The following EZH2 variants were observed in gnomAD, a reference collection of about 807,000 sequenced individuals.
EZH2 encodes the protein histone-lysine N-methyltransferase EZH2.
In EZH2, 18 loss-of-function variants were observed where a neutral mutation model predicts 98.4. The ratio of observed to expected loss-of-function variants is 0.18; its 90% CI spans 0.13 to 0.27. The LOEUF (loss-of-function observed/expected upper bound fraction) is 0.27, where lower values mean the gene tolerates loss of function less well. EZH2 is among the 10% of genes least tolerant of loss of function. EZH2 has a pLI of 1.00. For synonymous variants in EZH2, 338 were observed against 312.3 expected, an observed-to-expected ratio of 1.08 and a Z score of -0.87; for missense variants, 470 against 935.1, an observed-to-expected ratio of 0.50 and a Z score of 6.49.
At chr7:148,818,348 C>T (rs994234102) in intron 9 of EZH2, among the ~76,000 whole-genome samples, 2 of 152,110 alleles carry the variant, frequency 1.3e-5, no homozygotes, top group Admixed American at 6.5e-5. Flanking sequence ...GTACAAAAAT[C>T]AGGCAAGACA....
chr7:148,814,612 C>T (rs942346441), intron 14 of EZH2, among the ~76,000 whole-genome samples: 2 of 152,128 alleles, frequency 1.3e-5, no homozygotes, highest in Admixed American at 6.5e-5. Context: ...TTCTAGATTC[C>T]TCTTACAATC....
rs1466675706 is a variant in EZH2 at position 148,859,095 on chromosome 7, A to T, written c.-7-11790T>A. Among the ~76,000 whole-genome samples the T allele has an allele frequency of 3.3e-5, 5 of 152,368 alleles. 1 individual carries two copies. The South Asian group carries it at 6.2e-4, about 19-fold the overall frequency. On this transcript the variant is annotated intron_variant, in intron 1 of 19. Coordinates refer to ENST00000320356, the MANE Select transcript of EZH2 (RefSeq NM_004456.5). The stretch of plus-strand genomic sequence containing the variant: ...TTAATATGCATTCATTAAGTCAACA[A>T]ATATTTATTGAGCATCTAATACAAG...
rs1563205408 is a variant in EZH2, at chr7:148,815,550, C to CA, written c.1506-5dup. The stretch of plus-strand genomic sequence containing the variant: ...TCTGCAGTGTGCAGCCCACAACCTG[C>CA]AAAAACACAAAGAAAATTAAACCAA... On this transcript the variant is annotated splice_region_variant and splice_polypyrimidine_tract_variant and intron_variant, in intron 12 of 19. Coordinates refer to ENST00000320356, the MANE Select transcript of EZH2 (RefSeq NM_004456.5). 1 of 1,614,010 alleles carries CA rather than the reference C, an allele frequency of 6.2e-7. No individual in the cohort carries two copies. Among genetic ancestry groups the CA allele is most frequent in the Admixed American group, 1.7e-5 (1 of 60,002 alleles).
At chr7:148,851,981 A>G (rs965870888) in intron 1 of EZH2, among the ~76,000 whole-genome samples, 6 of 152,230 alleles carry the variant, frequency 3.9e-5, no homozygotes, top group African/African-American at 1.4e-4. Context: ...TGGTTTTTAA[A>G]TTTTTCAAAG....
chr7:148,809,515 C>G, intron 17 of EZH2, 125 bp from the exon 18 acceptor site: 2 of 637,220 alleles, frequency 3.1e-6, no homozygotes, highest in South Asian at 4.3e-5. Flanking sequence ...GCAAATAAAT[C>G]AAGCAGCTTC....
chr7:148,845,990 T>C (rs1190805999), intron 3 of EZH2, among the ~76,000 whole-genome samples: 3 of 152,172 alleles, frequency 2.0e-5, no homozygotes, highest in Non-Finnish European at 4.4e-5. Flanking sequence ...GAAAGTACTA[T>C]AGAAAAAGAA....
intron 1 of EZH2, among the ~76,000 whole-genome samples, chr7:148,881,616 A>C (rs1820967359): frequency 6.6e-6 from 1 of 152,198 alleles, no homozygotes; most frequent in Admixed American, 6.5e-5. Flanking sequence ...TATCAAATAC[A>C]GAGAACACTC....
chr7:148,870,761 C>A (rs1308227734), intron 1 of EZH2, among the ~76,000 whole-genome samples: 3 of 151,008 alleles, frequency 2.0e-5, no homozygotes, highest in Non-Finnish European at 4.4e-5. Context: ...GAAACCCCGA[C>A]TCTATAAAAA....
chr7:148,860,978 TTTA>T (rs1000920372), intron 1 of EZH2, among the ~76,000 whole-genome samples: 1 of 152,074 alleles, frequency 6.6e-6, no homozygotes, highest in African/African-American at 2.4e-5. Flanking sequence ...TGGCCTGTTT[TTTA>T]TTTTTATTAA....
At chr7:148,807,772 C>G (rs201209531) in intron 19 of EZH2, 66 bp from the exon 20 acceptor site, 6 of 755,594 alleles carry the variant, frequency 7.9e-6, no homozygotes, top group East Asian at 2.9e-5. Context: ...AGACTTAACA[C>G]AACAAAGCCT....
At chr7:148,818,204 T>C in intron 9 of EZH2, 87 bp from the exon 10 acceptor site, 3 of 1,376,432 alleles carry the variant, frequency 2.2e-6, no homozygotes, top group Non-Finnish European at 2.9e-6. Flanking sequence ...TAAGCCAGGT[T>C]AGTCAAAAAA....
At chr7:148,817,626 G>GA (rs1804915645) in intron 10 of EZH2, 2 of 667,650 alleles carry the variant, frequency 3.0e-6, no homozygotes, top group Non-Finnish European at 5.0e-6. Flanking sequence ...ATCGAAAAAA[G>GA]AAAATGGCAC....
At chr7:148,808,926 GA>G (rs1355183870) in intron 19 of EZH2, 144 bp downstream of exon 19, 3 of 627,270 alleles carry the variant, frequency 4.8e-6, no homozygotes, top group Non-Finnish European at 8.5e-6. Context: ...TACATAACAG[GA>G]AAGTGTAACC....
intron 19 of EZH2, among the ~76,000 whole-genome samples, 175 bp downstream of exon 19, chr7:148,808,891 GTATAA>G (rs1802282828): frequency 6.6e-6 from 1 of 152,164 alleles, no homozygotes; most frequent in Non-Finnish European, 1.5e-5. Context: ...AGCATGCCTT[GTATAA>G]TATATAAATG....
At chr7:148,866,516 A>G (rs567144092) in intron 1 of EZH2, among the ~76,000 whole-genome samples, 19 of 96,990 alleles carry the variant, frequency 2.0e-4, no homozygotes, top group Non-Finnish European at 3.4e-4. Context: ...ATACATATAT[A>G]TGTGTATATA....
At chr7:148,868,491 C>G (rs993544447) in intron 1 of EZH2, among the ~76,000 whole-genome samples, 2 of 152,182 alleles carry the variant, frequency 1.3e-5, no homozygotes, top group Non-Finnish European at 2.9e-5. Context: ...GTCAGGAGAA[C>G]AGCAAGGGAA....
At chr7:148,823,696 G>A (rs1316904352) in intron 8 of EZH2, among the ~76,000 whole-genome samples, 1 of 150,410 alleles carries the variant, frequency 6.6e-6, no homozygotes, top group African/African-American at 2.5e-5. Flanking sequence ...CTGTCACCCA[G>A]CTGGAGTACA....
chr7:148,843,656 C>T (rs995964751), intron 3 of EZH2, among the ~76,000 whole-genome samples: 20 of 119,884 alleles, frequency 1.7e-4, no homozygotes, highest in Non-Finnish European at 4.8e-5. Flanking sequence ...AGTGCAGTGG[C>T]GCGATCTCGG....
intron 8 of EZH2, among the ~76,000 whole-genome samples, chr7:148,820,782 A>C (rs1805837630): frequency 6.6e-6 from 1 of 152,182 alleles, no homozygotes; most frequent in South Asian, 2.1e-4. Flanking sequence ...AAATACAAAA[A>C]CCACTTCTTA....
Sources: allele counts gnomAD v4.1 joint callset (sites outside exome capture counted in the v4.1 genomes callset), GRCh38; gene constraint gnomAD v4.1.1; transcripts MANE v1.5; gene names NCBI Gene and HGNC (gene_info 2026-07-23, HGNC 2026-07-21).